The following KRT34 variants were observed in gnomAD, a reference collection of about 807,000 sequenced individuals.
The protein encoded by KRT34 is keratin, type I cuticular Ha4.
Under a neutral mutation model 41.7 loss-of-function variants are expected in KRT34, and 31 were observed. That is an observed-to-expected ratio of 0.74 (90% confidence interval 0.56 to 1.00). The LOEUF (loss-of-function observed/expected upper bound fraction) is 1.00, where lower values mean the gene tolerates loss of function less well. Among genes scored for constraint, KRT34 ranks in the 50% least tolerant of loss-of-function variants. The pLI, the probability that KRT34 is intolerant of heterozygous loss-of-function variation, is 0.00. For synonymous variants in KRT34, 224 were observed against 212.9 expected (o/e 1.05, Z -0.45); for missense variants, 523 against 500.3 (o/e 1.05, Z -0.43).
rs752030183 is a variant in KRT34 at position 41,382,085 on chromosome 17, G to A, written c.162C>T (p.Gly54=). The A allele has an allele frequency of 6.8e-6, 11 of 1,612,912 alleles. No homozygotes were observed. Among genetic ancestry groups the A allele is most frequent in the South Asian group, 1.1e-5 (1 of 91,024 alleles). Residue 54 remains glycine, a synonymous_variant, in exon 1 of 7, where the codon GGC becomes GGT. Coordinates refer to ENST00000394001, the MANE Select transcript of KRT34 (RefSeq NM_001386014.1). ...CNWFCEGSFN[G]SEKETMQFLN... ...GGAACTGCATAGTCTCCTTCTCGCT[G>A]CCATTGAAGGAGCCCTCACAGAACC...
rs748518457 is a variant in KRT34 at position 41,379,511 on chromosome 17, C to T, written c.751-33G>A. ...ACCCAAGTGGGGAAAGGATCAGACC[C>T]TGTCTCCAGGGCCCTGGGGCACCTC... is the stretch of plus-strand genomic sequence containing the variant. On this transcript the variant is annotated intron_variant, in intron 4 of 6. Coordinates refer to ENST00000394001, the MANE Select transcript of KRT34 (RefSeq NM_001386014.1). 9 of 1,614,180 alleles carry T rather than the reference C, an allele frequency of 5.6e-6. No individual in the cohort carries two copies. The East Asian group carries it at 1.8e-4, about 32-fold the overall frequency.
intron 4 of KRT34, 43 bp from the exon 5 acceptor site, chr17:41,379,521 G>T (rs1300236321): frequency 6.2e-7 from 1 of 1,614,028 alleles, no homozygotes; most frequent in Admixed American, 1.7e-5. Context: ...CTGTCTCCAG[G>T]GCCCTGGGGC....
At chr17:41,380,069 G>T (rs1242049174) in intron 3 of KRT34, among the ~76,000 whole-genome samples, 1 of 152,130 alleles carries the variant, frequency 6.6e-6, no homozygotes, top group Non-Finnish European at 1.5e-5. Flanking sequence ...AACCATCCTA[G>T]CCAACATGGT....
Position 41,379,561 on chromosome 17 carries a change from G to T in KRT34, c.750+9C>A, listed in dbSNP as rs779053554. On this transcript the variant is annotated intron_variant, in intron 4 of 6. Transcript: ENST00000394001. Reference sequence around the variant, plus strand: ...CGGGTCCTGAGTGGCCATGTGCTTAGATGCCCACCTGCGTGGCGAACCATT... The same window carrying T: ...CGGGTCCTGAGTGGCCATGTGCTTATATGCCCACCTGCGTGGCGAACCATT... The T allele has an allele frequency of 6.2e-7, 1 of 1,613,976 alleles. No homozygotes were observed. The highest frequency in any genetic ancestry group is 1.1e-5 in the South Asian group (1 of 91,066).
chr17:41,379,253 A>T, intron 5 of KRT34, 77 bp from the exon 6 acceptor site: 1 of 1,608,214 alleles, frequency 6.2e-7, no homozygotes, highest in Admixed American at 1.7e-5. Flanking sequence ...AGGAAGTCAC[A>T]AGCTCCAAGA....
chr17:41,378,878 A>C, intron 6 of KRT34, 78 bp downstream of exon 6: 1 of 1,582,378 alleles, frequency 6.3e-7, no homozygotes, highest in South Asian at 1.1e-5. Flanking sequence ...TGACTAGTTG[A>C]AAACATGGCC....
rs150148534 is a variant in KRT34, at chr17:41,378,234, C to A, written c.1098-88G>T. 7.3e-4 allele frequency: 617 copies of A among 850,362 alleles called. No homozygotes were observed. The African/African-American group carries it at 9.0e-3, about 12-fold the overall frequency. 52.7% of individuals were successfully genotyped at this position (850,362 alleles called of 1,614,324 possible). A position where few individuals can be genotyped will look rare whatever the true frequency, so the allele number is the denominator to read the frequency against. On this transcript the variant is annotated intron_variant, in intron 6 of 6. Transcript: ENST00000394001. ...GGCTTAATGACACAACCTATGAATT[C>A]TCAGTGGCTGGAGTTAGTTGGAATC...
intron 6 of KRT34, among the ~76,000 whole-genome samples, chr17:41,378,489 C>A (rs1427104468): frequency 6.6e-6 from 1 of 152,130 alleles, no homozygotes. Flanking sequence ...TGGGGTTTCA[C>A]CATGTTGGCC....
At position 41,378,988 on chromosome 17, in the gene KRT34, C is replaced by G; in HGVS notation, c.1065G>C (p.Thr355=). Residue 355 remains threonine (T), a synonymous_variant, in exon 6 of 7, where the codon ACG becomes ACC. Coordinates refer to ENST00000394001, the MANE Select transcript of KRT34 (RefSeq NM_001386014.1). The part of the protein sequence containing the change: ...VRARLECEIN[T]YRSLLESEDC... ...CCTCACTCTCCAGGAGGCTCCGGTA[C>G]GTGTTGATCTCACACTCCAGCCGGG... 1 of 1,614,216 alleles carries G rather than the reference C, an allele frequency of 6.2e-7. No individual in the cohort carries two copies. The highest frequency in any genetic ancestry group is 8.5e-7 in the Non-Finnish European group (1 of 1,180,052).
chr17:41,380,508 C>A (rs35393404), intron 3 of KRT34, among the ~76,000 whole-genome samples: 5,264 of 152,250 alleles, frequency 0.035, 296 homozygotes, highest in African/African-American at 0.12. Context: ...CCCTGCCCTG[C>A]CACTTCTGTG....
Position 41,382,238 on chromosome 17 carries a change from G to GT in KRT34, c.8dup (p.Tyr3Ter). 6.2e-7 allele frequency: 1 copy of GT among 1,612,752 alleles called. No individual in the cohort carries two copies. The highest frequency in any genetic ancestry group is 8.5e-7 in the Non-Finnish European group (1 of 1,180,040). ...AGCCCAGGCTGGGCAGGCAACAACT[G>GT]TAAGACATGGTGCTGGAACAGGTAA... The part of the protein sequence containing the change: MS[Y>*]SCCLPSLGCR... Residue 3 changes from tyrosine (Y) to a stop codon, truncating the protein, a stop_gained and frameshift_variant, in exon 1 of 7, where the codon TAC (tyrosine) becomes TAAC (stop). Coordinates refer to ENST00000394001, the MANE Select transcript of KRT34 (RefSeq NM_001386014.1). LOFTEE classifies it high-confidence loss of function.
chr17:41,380,616 G>C (rs1258892323), intron 3 of KRT34, among the ~76,000 whole-genome samples: 1 of 152,140 alleles, frequency 6.6e-6, no homozygotes, highest in Non-Finnish European at 1.5e-5. Context: ...TGGGCAGCCT[G>C]GATTATTTCT....
chr17:41,380,905 C>T (rs1419543373), intron 3 of KRT34, 151 bp downstream of exon 3: 1 of 788,386 alleles, frequency 1.3e-6, no homozygotes. Flanking sequence ...CACTCCACTC[C>T]TTGATATGGA....
At chr17:41,380,915 ATGTAGCACC>A (rs908599952) in intron 3 of KRT34, 132 bp downstream of exon 3, 2 of 825,276 alleles carry the variant, frequency 2.4e-6, no homozygotes, top group Admixed American at 4.2e-5. Flanking sequence ...CTTGATATGG[ATGTAGCACC>A]GTCACTCTCT....
chr17:41,382,757 A>G (rs1313517378), upstream of KRT34, among the ~76,000 whole-genome samples: 1 of 152,208 alleles, frequency 6.6e-6, no homozygotes, highest in Non-Finnish European at 1.5e-5. Flanking sequence ...ATGTTTCAGC[A>G]TTCAATTTGT....
rs144045423 is a variant in KRT34, at chr17:41,382,024, G to C, written c.223C>G (p.Arg75Gly). 1.9e-6 allele frequency: 3 copies of C among 1,614,172 alleles called. No homozygotes were observed. The African/African-American group carries it at 4.0e-5, about 22-fold the overall frequency. The change falls in exon 1 of 7, where the codon CGT becomes GGT. Residue 75 changes from arginine (R) to glycine (G), a missense_variant. Coordinates refer to ENST00000394001, the MANE Select transcript of KRT34 (RefSeq NM_001386014.1). The part of the protein sequence containing the change: ...DRLASYLEKV[R>G]QLERDNAELE... ...TCCGCGTTGTCCCGCTCCAGCTGAC[G>C]CACCTTCTCCAGGTAGCTGGCCAGG...
chr17:41,381,164 G>A lies in KRT34; in HGVS notation c.480C>T (p.Asn160=). 1.2e-6 allele frequency: 2 copies of A among 1,614,152 alleles called. No homozygotes were observed. Among genetic ancestry groups the A allele is most frequent in the African/African-American group, 1.3e-5 (1 of 75,032 alleles). The change falls in exon 3 of 7, where the codon AAC becomes AAT. Residue 160 remains asparagine, a synonymous_variant. Coordinates refer to ENST00000394001, the MANE Select transcript of KRT34 (RefSeq NM_001386014.1). ...SLRLLVESDI[N]SIRRILDELT... Reference sequence around the variant, plus strand: ...GCTCATCCAGGATCCTGCGTATGCTGTTGATGTCCGACTCCACCAACAGCC... The same window carrying A: ...GCTCATCCAGGATCCTGCGTATGCTATTGATGTCCGACTCCACCAACAGCC...
chr17:41,378,885 G>C (rs1357478811), intron 6 of KRT34, 71 bp downstream of exon 6: 99 of 1,587,982 alleles, frequency 6.2e-5, no homozygotes, highest in Admixed American at 1.0e-4. Context: ...TTGAAAACAT[G>C]GCCACCATTT....
chr17:41,379,224 G>A, intron 5 of KRT34, 48 bp from the exon 6 acceptor site: 1 of 1,611,700 alleles, frequency 6.2e-7, no homozygotes. Context: ...CCTTCAAAGG[G>A]TTTCTTCACA....
Sources: allele counts gnomAD v4.1 joint callset (sites outside exome capture counted in the v4.1 genomes callset), GRCh38; gene constraint gnomAD v4.1.1; transcripts MANE v1.5; gene names NCBI Gene and HGNC (gene_info 2026-07-23, HGNC 2026-07-21).